Variants in ZNF385D observed in about 807,000 individuals in gnomAD.
ZNF385D encodes zinc finger protein 659.
ZNF385D carries 15 observed loss-of-function variants against 35.8 expected under a neutral mutation model. That is an observed-to-expected ratio of 0.42 (90% CI 0.28 to 0.64). The LOEUF is 0.64. ZNF385D is among the 30% of genes least tolerant of loss of function. The pLI, the probability that ZNF385D is intolerant of heterozygous loss-of-function variation, is 0.23. For missense variants in ZNF385D, 474 were observed against 494.6 expected, an observed-to-expected ratio of 0.96 and a Z score of 0.39; for synonymous variants, 212 against 186.8, an observed-to-expected ratio of 1.13 and a Z score of -1.10.
At chr3:22,250,438 T>C (rs1700005862) in intron 2 of ZNF385D, among the ~76,000 whole-genome samples, 1 of 151,988 alleles carries the variant, frequency 6.6e-6, no homozygotes, top group African/African-American at 2.4e-5. Context: ...AAAAATGCCA[T>C]TTATTTAGGT....
intron 2 of ZNF385D, among the ~76,000 whole-genome samples, chr3:22,317,280 CAAAA>C (rs59675675): frequency 1.5e-4 from 4 of 26,096 alleles, no homozygotes; most frequent in Non-Finnish European, 2.6e-4. Flanking sequence ...ACTCCATCTC[CAAAA>C]AAAAAAAAAA....
chr3:21,772,204 A>C (rs1330681825), intron 3 of ZNF385D, among the ~76,000 whole-genome samples: 1 of 151,942 alleles, frequency 6.6e-6, no homozygotes, highest in Non-Finnish European at 1.5e-5. Context: ...AGGCATAGGA[A>C]ATTAAAGAAA....
At chr3:21,471,883 CAT>C (rs1445379795) in intron 4 of ZNF385D, among the ~76,000 whole-genome samples, 2 of 151,930 alleles carry the variant, frequency 1.3e-5, no homozygotes, top group Admixed American at 1.3e-4. Context: ...TGGAAGAAAA[CAT>C]AATAATTACT....
At chr3:21,832,917 A>G (rs1253087787) in intron 3 of ZNF385D, among the ~76,000 whole-genome samples, 2 of 152,174 alleles carry the variant, frequency 1.3e-5, no homozygotes, top group East Asian at 3.9e-4. Context: ...TTAATGATAT[A>G]CTTGTGGTCA....
Position 21,836,645 on chromosome 3 carries a change from A to G in ZNF385D, c.326-171617T>C, listed in dbSNP as rs147852543. On this transcript the variant is annotated intron_variant, in intron 3 of 5. Transcript: ENST00000494108. ...ACTCAACTCTACTATTGTAGCCAAA[A>G]AGAAACCATAGTATGTAAACGAAGG... Among the ~76,000 whole-genome samples the G allele has an allele frequency of 1.8e-4, 27 of 152,242 alleles. No homozygotes were observed. The East Asian group carries it at 5.2e-3, about 29-fold the overall frequency.
At chr3:21,437,707 A>AAAAAAAAAAAAAAAAAAAAAAAAAC (rs1701636879) in intron 4 of ZNF385D, among the ~76,000 whole-genome samples, 1 of 138,184 alleles carries the variant, frequency 7.2e-6, no homozygotes. Context: ...TATACAAAAA[A>AAAAAAAAAAAAAAAAAAAAAAAAAC]AAAAAAAAAA....
chr3:22,162,801 T>C (rs1428511315), intron 3 of ZNF385D, among the ~76,000 whole-genome samples: 3 of 152,308 alleles, frequency 2.0e-5, no homozygotes, highest in East Asian at 1.9e-4. Context: ...GGTCAATTGA[T>C]GTCAACAGAA....
In ZNF385D at chr3:22,348,485, TAAAAAAA is replaced by T. The variant is rs1168729541; in HGVS notation, c.106+23958_106+23964del. Among the ~76,000 whole-genome samples the T allele has an allele frequency of 9.4e-5, 8 of 84,934 alleles. No individual in the cohort carries two copies. In the South Asian group the frequency reaches 2.8e-3, roughly 29 times the overall value. 55.7% of individuals were successfully genotyped at this position (84,934 alleles called of 152,430 possible). On this transcript the variant is annotated intron_variant, in intron 2 of 5. Coordinates refer to the ZNF385D transcript ENST00000494108. ...CAACATGGAGAAACTCCATCTCTAC[TAAAAAAA>T]AAAAAAAAAAAAAAATACAAAATTA...
intron 1 of ZNF385D, among the ~76,000 whole-genome samples, chr3:21,698,186 T>C (rs1288227585): frequency 1.3e-5 from 2 of 152,122 alleles, no homozygotes; most frequent in Admixed American, 1.3e-4. Flanking sequence ...AACAAAGTCA[T>C]GGAATTAACC....
intron 3 of ZNF385D, among the ~76,000 whole-genome samples, chr3:21,899,590 G>A (rs1187055394): frequency 1.3e-5 from 2 of 152,070 alleles, no homozygotes; most frequent in Non-Finnish European, 2.9e-5. Context: ...TCATGCCCCA[G>A]GAGACTGTGA....
chr3:21,570,145 T>TA (rs2063292315), intron 2 of ZNF385D, among the ~76,000 whole-genome samples: 1 of 152,032 alleles, frequency 6.6e-6, no homozygotes, highest in Non-Finnish European at 1.5e-5. Flanking sequence ...TGAAGTATGA[T>TA]ACACTAGCTA....
chr3:22,282,939 A>T lies in ZNF385D; in HGVS notation c.106+89511T>A, dbSNP rs577568724. Among the ~76,000 whole-genome samples, 18 of 152,226 alleles carry T rather than the reference A, an allele frequency of 1.2e-4. No homozygotes were observed. The East Asian group carries it at 2.7e-3, about 23-fold the overall frequency. Reference sequence around the variant, plus strand: ...CAATCAAGTATCTGCTATCTTCAAGAGACTCACCTGACATATAAGAACTCA... The same window carrying T: ...CAATCAAGTATCTGCTATCTTCAAGTGACTCACCTGACATATAAGAACTCA... On this transcript the variant is annotated intron_variant, in intron 2 of 5. Coordinates refer to the ZNF385D transcript ENST00000494108.
intron 2 of ZNF385D, among the ~76,000 whole-genome samples, chr3:21,633,920 G>A (rs971513524): frequency 3.9e-5 from 6 of 151,988 alleles, no homozygotes; most frequent in Non-Finnish European, 5.9e-5. Flanking sequence ...AAATGGCTGG[G>A]TACAGTGGCT....
chr3:21,772,679 C>T (rs750825572), intron 3 of ZNF385D, among the ~76,000 whole-genome samples: 3 of 151,846 alleles, frequency 2.0e-5, no homozygotes, highest in African/African-American at 4.8e-5. Flanking sequence ...ATGGGATTAC[C>T]ATATGATTGA....
intron 3 of ZNF385D, among the ~76,000 whole-genome samples, chr3:21,871,606 C>T (rs1414734839): frequency 6.6e-6 from 1 of 152,108 alleles, no homozygotes; most frequent in Non-Finnish European, 1.5e-5. Flanking sequence ...TCAATGGTTA[C>T]ACCTTCTATT....
At chr3:21,651,153 T>C (rs1461390554) in intron 2 of ZNF385D, among the ~76,000 whole-genome samples, 2 of 149,974 alleles carry the variant, frequency 1.3e-5, no homozygotes, top group African/African-American at 2.5e-5. Flanking sequence ...CTGGGTGTGG[T>C]GGCGGGCGCC....
At chr3:22,152,596 G>C (rs557194806) in intron 3 of ZNF385D, among the ~76,000 whole-genome samples, 4 of 152,036 alleles carry the variant, frequency 2.6e-5, no homozygotes, top group East Asian at 1.9e-4. Flanking sequence ...TAAGTGCGTC[G>C]TCACTCTAAC....
chr3:21,598,688 C>T (rs1181674995), intron 2 of ZNF385D, among the ~76,000 whole-genome samples: 1 of 152,106 alleles, frequency 6.6e-6, no homozygotes, highest in South Asian at 2.1e-4. Context: ...TTACTTTAAA[C>T]CACAAATTAG....
intron 3 of ZNF385D, among the ~76,000 whole-genome samples, chr3:22,162,006 A>T (rs11129048): frequency 6.6e-6 from 1 of 151,882 alleles, no homozygotes; most frequent in Non-Finnish European, 1.5e-5. Context: ...AGAGGTAATA[A>T]GACTTTGTAA....
Sources: allele counts gnomAD v4.1 joint callset (sites outside exome capture counted in the v4.1 genomes callset), GRCh38; gene constraint gnomAD v4.1.1; transcripts MANE v1.5; gene names NCBI Gene and HGNC (gene_info 2026-07-23, HGNC 2026-07-21).